The following IQCM variants were observed in gnomAD, a reference collection of about 807,000 sequenced individuals.
The protein encoded by IQCM is IQ motif containing M.
A neutral mutation model predicts 57.6 loss-of-function variants in IQCM; 45 were observed. The observed-to-expected ratio is 0.78, with a 90% CI of 0.62 to 1.00. The LOEUF (loss-of-function observed/expected upper bound fraction) is 1.00. IQCM is among the 50% of genes least tolerant of loss of function. The pLI is 0.00. For missense variants in IQCM, 468 were observed against 511.6 expected (o/e 0.91, Z 0.82); for synonymous variants, 148 against 158.9 (o/e 0.93, Z 0.51).
intron 2 of IQCM, among the ~76,000 whole-genome samples, 163 bp downstream of exon 2, chr4:149,815,148 A>C (rs1774932245): frequency 6.6e-6 from 1 of 151,976 alleles, no homozygotes; most frequent in Admixed American, 6.6e-5. Context: ...TTTAAAAGGA[A>C]AATTTTAAGT....
chr4:149,364,956 T>C (rs1245500908), intron 13 of IQCM, among the ~76,000 whole-genome samples: 2 of 151,898 alleles, frequency 1.3e-5, no homozygotes, highest in African/African-American at 4.8e-5. Flanking sequence ...AAAATGCACA[T>C]GGATACAGAT....
At chr4:149,757,368 AATAAACAGATTCTGTTCAC>A (rs1415518873) in intron 2 of IQCM, among the ~76,000 whole-genome samples, 2 of 150,122 alleles carry the variant, frequency 1.3e-5, no homozygotes, top group Non-Finnish European at 3.0e-5. Flanking sequence ...AGTACAAAAA[AATAAACAGATTCTGTTCAC>A]ATATCAATAG....
chr4:149,514,305 A>T (rs1744719246), intron 12 of IQCM, among the ~76,000 whole-genome samples: 1 of 152,204 alleles, frequency 6.6e-6, no homozygotes, highest in African/African-American at 2.4e-5. Context: ...TTGTGAAAGA[A>T]CATGCTAAAT....
chr4:149,391,190 T>A (rs184741583), intron 13 of IQCM, among the ~76,000 whole-genome samples: 4 of 152,040 alleles, frequency 2.6e-5, no homozygotes, highest in Admixed American at 2.6e-4. Flanking sequence ...TTAGGGCTAT[T>A]CAGATTTTAC....
At chr4:149,589,040 C>A (rs1752889347) in intron 8 of IQCM, among the ~76,000 whole-genome samples, 1 of 151,906 alleles carries the variant, frequency 6.6e-6, no homozygotes, top group Non-Finnish European at 1.5e-5. Context: ...TTCTACAAGA[C>A]CCCAGAAAAA....
chr4:149,752,019 TAAAAC>T (rs1289395311), intron 2 of IQCM, among the ~76,000 whole-genome samples: 2 of 152,128 alleles, frequency 1.3e-5, no homozygotes, highest in East Asian at 1.9e-4. Context: ...TGTAAAGAAT[TAAAAC>T]AGAAGAAAGA....
At chr4:149,375,961 C>T (rs1231986342) in intron 13 of IQCM, among the ~76,000 whole-genome samples, 4 of 152,102 alleles carry the variant, frequency 2.6e-5, no homozygotes, top group African/African-American at 9.7e-5. Flanking sequence ...AAGAATTACA[C>T]AGAGAAACCA....
intron 7 of IQCM, among the ~76,000 whole-genome samples, chr4:149,630,124 C>T (rs901523600): frequency 6.6e-6 from 1 of 152,166 alleles, no homozygotes; most frequent in Non-Finnish European, 1.5e-5. Flanking sequence ...AAAGTGAAAA[C>T]TCTTGATTAA....
At chr4:149,532,509 C>CT (rs760116885) in intron 12 of IQCM, among the ~76,000 whole-genome samples, 3,812 of 123,000 alleles carry the variant, frequency 0.031, 92 homozygotes, top group South Asian at 0.15. Context: ...GGATAATTAT[C>CT]TTTTTTTTTT....
intron 12 of IQCM, among the ~76,000 whole-genome samples, chr4:149,516,089 C>A (rs941267548): frequency 6.6e-6 from 1 of 152,202 alleles, no homozygotes; most frequent in Non-Finnish European, 1.5e-5. Context: ...CTTCTGCTCA[C>A]CAAGGCTGAC....
intron 13 of IQCM, among the ~76,000 whole-genome samples, chr4:149,395,117 G>A (rs1732133104): frequency 6.6e-6 from 1 of 151,964 alleles, no homozygotes. Context: ...TTCAAAGGAG[G>A]CCAATTCAAA....
At position 149,815,605 on chromosome 4, in the gene IQCM, T is replaced by G. The variant is rs183075034; in HGVS notation, c.-92A>C. 2 of 152,138 alleles carry G rather than the reference T, an allele frequency of 1.3e-5. No homozygotes were observed. The allele number at this position is 152,138 out of a possible 1,614,324, so 9.4% of individuals were successfully genotyped here. A position where few individuals can be genotyped will look rare whatever the true frequency, so the allele number is the denominator to read the frequency against. On this transcript the variant is annotated 5_prime_UTR_variant, in exon 1 of 14. Coordinates refer to ENST00000636793, the MANE Select transcript of IQCM (RefSeq NM_001363507.2). ...GATAGTATTTAATTACTTACCTTTC[T>G]GCCTTAGTTCCAACAAAACTTCTAG...
chr4:149,600,688 T>C (rs1754195019), intron 8 of IQCM, among the ~76,000 whole-genome samples: 1 of 152,126 alleles, frequency 6.6e-6, no homozygotes, highest in African/African-American at 2.4e-5. Flanking sequence ...TGACTATCAC[T>C]CCTTGTTTGG....
At chr4:149,773,159 G>T (rs2149992266) in intron 2 of IQCM, among the ~76,000 whole-genome samples, 1 of 152,242 alleles carries the variant, frequency 6.6e-6, no homozygotes, top group East Asian at 1.9e-4. Flanking sequence ...AGACCATCCT[G>T]GCTAACATGG....
At chr4:149,382,106 T>A (rs1233706986) in intron 13 of IQCM, among the ~76,000 whole-genome samples, 1 of 152,120 alleles carries the variant, frequency 6.6e-6, no homozygotes, top group Non-Finnish European at 1.5e-5. Context: ...CATTTTTAAT[T>A]TTTTTGTTTC....
At chr4:149,641,002 C>T (rs907426320) in intron 7 of IQCM, among the ~76,000 whole-genome samples, 6 of 152,102 alleles carry the variant, frequency 3.9e-5, no homozygotes, top group Non-Finnish European at 8.8e-5. Flanking sequence ...TGGTGTTGCA[C>T]ACCTGTAGTC....
chr4:149,374,568 C>G (rs996570569), intron 13 of IQCM, among the ~76,000 whole-genome samples: 20 of 152,176 alleles, frequency 1.3e-4, no homozygotes, highest in Admixed American at 1.3e-3. Context: ...AACATTCCAG[C>G]TTAGGAATGT....
chr4:149,521,660 C>T (rs185079257), intron 12 of IQCM, among the ~76,000 whole-genome samples: 41 of 152,304 alleles, frequency 2.7e-4, no homozygotes, highest in Middle Eastern at 3.4e-3. Context: ...TATCTAACAG[C>T]GACAGCATTA....
intron 12 of IQCM, among the ~76,000 whole-genome samples, chr4:149,521,270 A>C (rs1284824187): frequency 6.6e-6 from 1 of 152,066 alleles, no homozygotes; most frequent in Non-Finnish European, 1.5e-5. Flanking sequence ...GAAGGAGAAC[A>C]AAAACAAGGA....
Sources: allele counts gnomAD v4.1 joint callset (sites outside exome capture counted in the v4.1 genomes callset), GRCh38; gene constraint gnomAD v4.1.1; transcripts MANE v1.5; gene names NCBI Gene and HGNC (gene_info 2026-07-23, HGNC 2026-07-21).